TMTC2: variants seen among roughly 807,000 people sequenced by gnomAD.
TMTC2 encodes the protein protein O-mannosyl-transferase TMTC2.
In TMTC2, 43 loss-of-function variants were observed where a neutral mutation model predicts 82.4. The observed-to-expected ratio is 0.52, with a 90% CI of 0.41 to 0.67. The LOEUF is 0.67. Among genes scored for constraint, TMTC2 ranks in the 30% least tolerant of loss-of-function variants. The pLI, the probability that TMTC2 is intolerant of heterozygous loss-of-function variation, is 0.00. For synonymous variants in TMTC2, 408 were observed against 381.9 expected, an observed-to-expected ratio of 1.07 and a Z score of -0.80; for missense variants, 919 against 1,012.4, an observed-to-expected ratio of 0.91 and a Z score of 1.25.
intron 1 of TMTC2, among the ~76,000 whole-genome samples, chr12:82,826,883 G>A (rs1301431834): frequency 6.6e-6 from 1 of 152,030 alleles, no homozygotes; most frequent in Admixed American, 6.6e-5. Flanking sequence ...ATTTGTTATT[G>A]TTTTCTCTGA....
chr12:83,102,143 TTGCC>T (rs1884240018), intron 11 of TMTC2, among the ~76,000 whole-genome samples: 2 of 152,180 alleles, frequency 1.3e-5, no homozygotes, highest in African/African-American at 4.8e-5. Context: ...GGGAATGCAT[TTGCC>T]CCCACATCAG....
intron 1 of TMTC2, among the ~76,000 whole-genome samples, chr12:82,741,395 C>T (rs1875398949): frequency 6.6e-6 from 1 of 152,132 alleles, no homozygotes; most frequent in East Asian, 1.9e-4. Flanking sequence ...AGTGCAACCT[C>T]CACCTCCCAG....
At chr12:83,011,980 A>T (rs1054906568) in intron 8 of TMTC2, among the ~76,000 whole-genome samples, 21 of 152,184 alleles carry the variant, frequency 1.4e-4, no homozygotes, top group African/African-American at 4.8e-4. Context: ...TAAAGCAAGG[A>T]TTGGCCCAAT....
At chr12:82,961,355 A>G (rs988061398) in intron 4 of TMTC2, among the ~76,000 whole-genome samples, 31 of 151,936 alleles carry the variant, frequency 2.0e-4, no homozygotes, top group African/African-American at 7.5e-4. Flanking sequence ...AATTGGCCCA[A>G]ATTTATCCAG....
At chr12:83,057,215 G>GCCC (rs1882577993) in intron 10 of TMTC2, among the ~76,000 whole-genome samples, 1 of 151,870 alleles carries the variant, frequency 6.6e-6, no homozygotes, top group African/African-American at 2.4e-5. Context: ...GCCCTTAGCA[G>GCCC]CCCCCGAACA....
intron 3 of TMTC2, among the ~76,000 whole-genome samples, chr12:82,907,763 A>G (rs1055045292): frequency 1.3e-5 from 2 of 152,192 alleles, no homozygotes; most frequent in Non-Finnish European, 2.9e-5. Flanking sequence ...ACTTGAGACT[A>G]GCATATGATT....
Position 82,751,650 on chromosome 12 carries a change from TAAAG to T in TMTC2, c.83+63985_83+63988del, listed in dbSNP as rs144315958. On this transcript the variant is annotated intron_variant, in intron 1 of 11. Transcript: ENST00000321196. ...AGGTTTTAAGGTTTACAATGGCTAA[TAAAG>T]AAATCATGGATAATGGTAATGTTGC... 4.6e-3 allele frequency among the ~76,000 whole-genome samples: 693 copies of T among 152,278 alleles called. 5 individuals are homozygous for T. The highest frequency in any genetic ancestry group is 0.016 in the African/African-American group (647 of 41,550).
chr12:82,865,306 A>G (rs552491605), intron 2 of TMTC2, among the ~76,000 whole-genome samples: 2 of 152,274 alleles, frequency 1.3e-5, no homozygotes, highest in East Asian at 3.9e-4. Flanking sequence ...GAATAAAGGG[A>G]TGGAGGAAGA....
chr12:82,947,893 T>C (rs1877112727), intron 4 of TMTC2, among the ~76,000 whole-genome samples: 1 of 152,146 alleles, frequency 6.6e-6, no homozygotes, highest in Non-Finnish European at 1.5e-5. Context: ...TCAACGTCTC[T>C]CAGCCCTTTT....
chr12:83,127,667 G>C (rs111780867), intron 11 of TMTC2, among the ~76,000 whole-genome samples: 1 of 151,970 alleles, frequency 6.6e-6, no homozygotes, highest in African/African-American at 2.4e-5. Flanking sequence ...TACATGATAA[G>C]CTTAGGCCAG....
chr12:82,699,398 C>G (rs928864602), intron 1 of TMTC2, among the ~76,000 whole-genome samples: 1 of 152,094 alleles, frequency 6.6e-6, no homozygotes, highest in African/African-American at 2.4e-5. Context: ...CGGAGTAAAC[C>G]GACCAATTAC....
chr12:82,771,412 C>G (rs1446554248), intron 1 of TMTC2, among the ~76,000 whole-genome samples: 1 of 151,996 alleles, frequency 6.6e-6, no homozygotes, highest in Admixed American at 6.6e-5. Context: ...ATTCTGACTT[C>G]CCTTGAAAAC....
chr12:83,040,256 A>G (rs1041571066), intron 9 of TMTC2, among the ~76,000 whole-genome samples: 17 of 152,194 alleles, frequency 1.1e-4, no homozygotes, highest in African/African-American at 3.9e-4. Flanking sequence ...GTTCTTTCAA[A>G]GATATGCTCT....
chr12:82,874,738 C>T (rs1327692979), intron 2 of TMTC2, among the ~76,000 whole-genome samples: 2 of 151,948 alleles, frequency 1.3e-5, no homozygotes, highest in Non-Finnish European at 2.9e-5. Flanking sequence ...GAGTCAATCC[C>T]ACTTTCTAAT....
chr12:82,985,382 A>G lies in TMTC2; in HGVS notation c.1949-543A>G, dbSNP rs1879109148. Among the ~76,000 whole-genome samples, 4 of 152,154 alleles carry G rather than the reference A, an allele frequency of 2.6e-5. No individual in the cohort carries two copies. In the South Asian group the frequency reaches 6.2e-4, roughly 24 times the overall value. ...TTACTTGTTAACATATAAAATTCAAATAGTTTCTTTAAAGAAATTAGCAGC... is the reference window on the plus strand; with the variant it reads ...TTACTTGTTAACATATAAAATTCAAGTAGTTTCTTTAAAGAAATTAGCAGC... On this transcript the variant is annotated intron_variant, in intron 7 of 11. Coordinates refer to ENST00000321196, the MANE Select transcript of TMTC2 (RefSeq NM_152588.3).
intron 8 of TMTC2, among the ~76,000 whole-genome samples, chr12:83,022,661 A>G (rs1015850070): frequency 6.1e-4 from 91 of 150,312 alleles, no homozygotes; most frequent in African/African-American, 2.1e-3. Context: ...CCATTAGCGT[A>G]GTACATTTTT....
intron 1 of TMTC2, among the ~76,000 whole-genome samples, chr12:82,855,109 C>T (rs1871191729): frequency 6.6e-6 from 1 of 152,144 alleles, no homozygotes; most frequent in Non-Finnish European, 1.5e-5. Flanking sequence ...CAAGGTAAAA[C>T]TATTATCACA....
intron 11 of TMTC2, among the ~76,000 whole-genome samples, chr12:83,062,995 A>G (rs77746179): frequency 0.059 from 8,943 of 151,916 alleles, 310 homozygotes; most frequent in East Asian, 0.078. Flanking sequence ...AAAACAAAAG[A>G]GAGATTAACA....
chr12:82,797,719 C>T (rs988243211), intron 1 of TMTC2, among the ~76,000 whole-genome samples: 2 of 151,854 alleles, frequency 1.3e-5, no homozygotes, highest in Non-Finnish European at 2.9e-5. Flanking sequence ...CTGGCTTACT[C>T]ATATATTCAG....
Sources: allele counts gnomAD v4.1 joint callset (sites outside exome capture counted in the v4.1 genomes callset), GRCh38; gene constraint gnomAD v4.1.1; transcripts MANE v1.5; gene names NCBI Gene and HGNC (gene_info 2026-07-23, HGNC 2026-07-21).